SLCO1A2: variants seen among roughly 807,000 people sequenced by gnomAD.
SLCO1A2 encodes the protein OATP-1.
In SLCO1A2, 67 loss-of-function variants were observed where a neutral mutation model predicts 69.0. The observed-to-expected ratio is 0.97, with a 90% CI of 0.80 to 1.19. The LOEUF is 1.19. Ranked by LOEUF, SLCO1A2 falls within the 50% of genes most tolerant of loss-of-function variation. The pLI, the probability that SLCO1A2 is intolerant of heterozygous loss-of-function variation, is 0.00. For missense variants in SLCO1A2, 787 were observed against 793.7 expected (o/e 0.99, Z 0.10); for synonymous variants, 260 against 265.9 (o/e 0.98, Z 0.22).
At chr12:21,364,653 A>T (rs1939222621) in intron 2 of SLCO1A2, among the ~76,000 whole-genome samples, 1 of 152,138 alleles carries the variant, frequency 6.6e-6, no homozygotes, top group Non-Finnish European at 1.5e-5. Context: ...AAACCCCAAC[A>T]TCTCAGCCCA....
intron 1 of SLCO1A2, among the ~76,000 whole-genome samples, chr12:21,393,505 A>G (rs185660166): frequency 6.6e-6 from 1 of 152,336 alleles, no homozygotes; most frequent in East Asian, 1.9e-4. Flanking sequence ...CTCTGTCAAG[A>G]TTTTTGAAGC....
intron 1 of SLCO1A2, among the ~76,000 whole-genome samples, chr12:21,405,970 A>G (rs1246000669): frequency 6.6e-6 from 1 of 152,216 alleles, no homozygotes; most frequent in East Asian, 1.9e-4. Flanking sequence ...TTCATTCAAG[A>G]AATATTTATT....
intron 2 of SLCO1A2, among the ~76,000 whole-genome samples, chr12:21,371,874 T>G (rs1331586478): frequency 6.6e-6 from 1 of 151,852 alleles, no homozygotes; most frequent in Non-Finnish European, 1.5e-5. Flanking sequence ...TGGTGATGCA[T>G]GCCTGTAATC....
chr12:21,338,386 G>A (rs1024742892), upstream of SLCO1A2, among the ~76,000 whole-genome samples: 3 of 151,776 alleles, frequency 2.0e-5, no homozygotes, highest in Non-Finnish European at 2.9e-5. Context: ...CCCCCCAGGC[G>A]ATATCTGATC....
At chr12:21,331,769 C>T (rs553556691) in intron 2 of SLCO1A2, among the ~76,000 whole-genome samples, 11 of 152,146 alleles carry the variant, frequency 7.2e-5, no homozygotes, top group South Asian at 2.1e-4. Flanking sequence ...GAGTTGCCCA[C>T]GCTCCATTGT....
At chr12:21,289,000 T>A (rs993796020) in intron 12 of SLCO1A2, among the ~76,000 whole-genome samples, 4 of 151,762 alleles carry the variant, frequency 2.6e-5, no homozygotes, top group African/African-American at 9.7e-5. Flanking sequence ...TACAATCACA[T>A]TGATAATCAC....
intron 6 of SLCO1A2, among the ~76,000 whole-genome samples, chr12:21,301,877 T>A (rs1352521811): frequency 6.6e-6 from 1 of 152,186 alleles, no homozygotes; most frequent in Non-Finnish European, 1.5e-5. Flanking sequence ...GTCTCATCAC[T>A]TGTCTACAAT....
upstream of SLCO1A2, among the ~76,000 whole-genome samples, chr12:21,335,620 A>G (rs535549156): frequency 3.9e-5 from 6 of 152,120 alleles, no homozygotes; most frequent in Admixed American, 3.3e-4. Flanking sequence ...TATCCCCAGC[A>G]TTAATTAATT....
upstream of SLCO1A2, chr12:21,395,548 G>C (rs1193344093): frequency 6.6e-6 from 1 of 152,524 alleles, no homozygotes; most frequent in African/African-American, 2.4e-5. Flanking sequence ...GCCTGCCTCT[G>C]TAGGCTCCAC....
In SLCO1A2 at chr12:21,274,458, A is replaced by G. The variant is rs772807318; in HGVS notation, c.1793+11T>C. ...CTTATAAAACAATTTTAAACAAATT[A>G]TTATCTTTACCTGAAGGTGGTGGAA... On this transcript the variant is annotated intron_variant, in intron 14 of 14. Transcript: ENST00000683939. 1 of 1,545,602 alleles carries G rather than the reference A, an allele frequency of 6.5e-7. No homozygotes were observed.
chr12:21,400,980 A>T (rs1027116797), intron 1 of SLCO1A2, among the ~76,000 whole-genome samples: 27 of 151,424 alleles, frequency 1.8e-4, no homozygotes, highest in African/African-American at 6.1e-4. Context: ...ATACATATGT[A>T]ACTAACCTGC....
intron 12 of SLCO1A2, among the ~76,000 whole-genome samples, chr12:21,275,697 C>T (rs1398496567): frequency 3.9e-5 from 6 of 152,058 alleles, no homozygotes; most frequent in African/African-American, 1.4e-4. Context: ...TCCCAGCACA[C>T]TGGGAGGCCA....
At chr12:21,327,290 C>A (rs1168231010) in intron 2 of SLCO1A2, among the ~76,000 whole-genome samples, 1 of 152,144 alleles carries the variant, frequency 6.6e-6, no homozygotes, top group African/African-American at 2.4e-5. Flanking sequence ...AGAGGCAGGA[C>A]CCTCATGGAG....
chr12:21,292,583 T>C (rs919341669), intron 11 of SLCO1A2, among the ~76,000 whole-genome samples: 1 of 152,040 alleles, frequency 6.6e-6, no homozygotes, highest in Non-Finnish European at 1.5e-5. Flanking sequence ...GACACACTTT[T>C]TTATTATTTT....
Position 21,364,768 on chromosome 12 carries a change from G to A in SLCO1A2, c.-63+9631C>T, listed in dbSNP as rs185172690. ...TACACCAATAACAGACAAACGGAGA[G>A]ACAAATCATGAGTGAACTCCATTCA... On this transcript the variant is annotated intron_variant, in intron 2 of 15. Coordinates refer to the SLCO1A2 transcript ENST00000307378. Among the ~76,000 whole-genome samples the A allele has an allele frequency of 2.7e-4, 41 of 152,236 alleles. No homozygotes were observed. In the East Asian group the frequency reaches 7.2e-3, roughly 27 times the overall value.
At chr12:21,394,064 C>T (rs1055345507) in intron 1 of SLCO1A2, among the ~76,000 whole-genome samples, 2 of 152,132 alleles carry the variant, frequency 1.3e-5, no homozygotes, top group Non-Finnish European at 2.9e-5. Context: ...TGCACAGTGA[C>T]CTTCATAGAG....
chr12:21,286,837 T>G (rs1428541818), intron 12 of SLCO1A2, among the ~76,000 whole-genome samples: 2 of 146,264 alleles, frequency 1.4e-5, no homozygotes, highest in Non-Finnish European at 3.0e-5. Context: ...ATCCCTTCCT[T>G]ACACCTTATA....
intron 1 of SLCO1A2, among the ~76,000 whole-genome samples, chr12:21,404,682 T>G (rs1012414595): frequency 1.3e-5 from 2 of 152,182 alleles, no homozygotes; most frequent in African/African-American, 4.8e-5. Flanking sequence ...TTGTGAATAG[T>G]GCTGCAATGA....
chr12:21,355,018 C>T (rs1938250781), intron 2 of SLCO1A2: 12 of 152,074 alleles, frequency 7.9e-5, no homozygotes. Flanking sequence ...TTCCAGGTAA[C>T]TAGAAAGTAA....
Sources: gnomAD v4.1 joint callset for allele counts (sites outside exome capture counted in the v4.1 genomes callset) on GRCh38, gnomAD v4.1.1 for gene constraint, MANE v1.5 for transcripts, NCBI Gene and HGNC (gene_info 2026-07-23, HGNC 2026-07-21) for gene names.